The following SPOCK3 variants were observed in gnomAD, a reference collection of about 807,000 sequenced individuals.
SPOCK3 encodes SPARC (osteonectin), cwcv and kazal like domains proteoglycan 3.
In SPOCK3, 30 loss-of-function variants were observed where a neutral mutation model predicts 56.6. The ratio of observed to expected loss-of-function variants is 0.53; its 90% CI spans 0.40 to 0.72. The LOEUF is 0.72. Ranked by LOEUF, SPOCK3 falls within the 30% of genes least tolerant of loss-of-function variation. The pLI is 0.00. For missense variants in SPOCK3, 527 were observed against 530.0 expected (o/e 0.99, Z 0.06); for synonymous variants, 196 against 183.3 (o/e 1.07, Z -0.56).
chr4:167,059,926 C>G (rs934328942), intron 3 of SPOCK3, among the ~76,000 whole-genome samples: 1 of 151,750 alleles, frequency 6.6e-6, no homozygotes, highest in Non-Finnish European at 1.5e-5. Flanking sequence ...ACCGCATATT[C>G]TCACTCATAG....
chr4:167,133,550 C>T (rs1762866676), intron 2 of SPOCK3, among the ~76,000 whole-genome samples: 1 of 152,198 alleles, frequency 6.6e-6, no homozygotes, highest in Non-Finnish European at 1.5e-5. Flanking sequence ...TCTTACAGAA[C>T]AGAGCCTGAT....
chr4:167,166,660 A>AAGGTAAAT (rs1253823256), intron 2 of SPOCK3, among the ~76,000 whole-genome samples: 4 of 152,040 alleles, frequency 2.6e-5, no homozygotes, highest in African/African-American at 7.2e-5. Context: ...ATGACAATGG[A>AAGGTAAAT]AGGTAAATGG....
At chr4:166,775,731 G>C (rs1449715806) in intron 7 of SPOCK3, among the ~76,000 whole-genome samples, 1 of 152,156 alleles carries the variant, frequency 6.6e-6, no homozygotes, top group Non-Finnish European at 1.5e-5. Context: ...AGTGAAAAAG[G>C]TCTATTCACT....
intron 7 of SPOCK3, among the ~76,000 whole-genome samples, chr4:166,755,451 C>T (rs140087868): frequency 3.5e-4 from 53 of 152,218 alleles, no homozygotes; most frequent in Middle Eastern, 3.4e-3. Context: ...GCAGACCTCA[C>T]GAACCTCAGT....
At chr4:167,140,137 T>C (rs1763415738) in intron 2 of SPOCK3, among the ~76,000 whole-genome samples, 1 of 152,084 alleles carries the variant, frequency 6.6e-6, no homozygotes, top group Non-Finnish European at 1.5e-5. Context: ...GGAGCCATCT[T>C]ACCTTTGATT....
At chr4:166,922,538 C>T (rs1048635281) in intron 4 of SPOCK3, among the ~76,000 whole-genome samples, 2 of 152,146 alleles carry the variant, frequency 1.3e-5, no homozygotes, top group African/African-American at 2.4e-5. Context: ...TATACTCACA[C>T]TCCCCTAATT....
intron 2 of SPOCK3, among the ~76,000 whole-genome samples, chr4:167,096,738 C>T (rs768249153): frequency 3.3e-5 from 5 of 151,526 alleles, no homozygotes; most frequent in Non-Finnish European, 7.4e-5. Flanking sequence ...TTTGCTGTTC[C>T]TTGATGTAGT....
chr4:167,136,490 AT>A (rs1763132428), intron 2 of SPOCK3, among the ~76,000 whole-genome samples: 1 of 152,132 alleles, frequency 6.6e-6, no homozygotes, highest in East Asian at 1.9e-4. Context: ...CATATCAAAG[AT>A]TCTATATATT....
chr4:167,189,369 A>G (rs1732278129), intron 2 of SPOCK3, among the ~76,000 whole-genome samples: 1 of 145,958 alleles, frequency 6.9e-6, no homozygotes, highest in Non-Finnish European at 1.5e-5. Flanking sequence ...AATTAATAAT[A>G]TACTTACCAT....
At chr4:166,820,248 G>A in intron 6 of SPOCK3, among the ~76,000 whole-genome samples, 3 of 152,108 alleles carry the variant, frequency 2.0e-5, no homozygotes, top group Admixed American at 2.0e-4. Context: ...CAATGTATAT[G>A]TTAGTATGTT....
At chr4:166,915,393 T>G (rs1001073521) in intron 4 of SPOCK3, among the ~76,000 whole-genome samples, 4 of 152,196 alleles carry the variant, frequency 2.6e-5, no homozygotes, top group Non-Finnish European at 5.9e-5. Context: ...TCAGAATTAG[T>G]GTTCTTCTTA....
At chr4:167,060,705 C>G (rs573275856) in intron 3 of SPOCK3, among the ~76,000 whole-genome samples, 2 of 152,028 alleles carry the variant, frequency 1.3e-5, no homozygotes, top group Middle Eastern at 3.2e-3. Flanking sequence ...AAAATATCAT[C>G]GGGATGCCAT....
At chr4:167,009,208 G>A (rs1749776522) in intron 3 of SPOCK3, among the ~76,000 whole-genome samples, 1 of 151,534 alleles carries the variant, frequency 6.6e-6, no homozygotes, top group Admixed American at 6.6e-5. Flanking sequence ...CTAAACCATA[G>A]GCTAGGATCT....
rs78316274 is a variant in SPOCK3, at chr4:167,192,307, A to G, written c.189+41678T>C. On this transcript the variant is annotated intron_variant, in intron 2 of 10. Coordinates refer to ENST00000357545, the MANE Select transcript of SPOCK3 (RefSeq NM_001040159.2). ...ATAATATTCCAACCCGATAATATGAATTTGGAAGTGTTCTCTCCAAACTTT... is the reference window on the plus strand; with the variant it reads ...ATAATATTCCAACCCGATAATATGAGTTTGGAAGTGTTCTCTCCAAACTTT... 1.0e-3 allele frequency among the ~76,000 whole-genome samples: 146 copies of G among 145,848 alleles called. 22 individuals carry two copies. Among genetic ancestry groups the G allele is most frequent in the African/African-American group, 3.6e-3 (139 of 38,384 alleles).
At chr4:167,033,466 A>G (rs1027438453) in intron 3 of SPOCK3, among the ~76,000 whole-genome samples, 2 of 151,324 alleles carry the variant, frequency 1.3e-5, no homozygotes, top group Non-Finnish European at 3.0e-5. Context: ...GGCTTCATTG[A>G]TCTTGTTTAC....
chr4:166,750,512 A>G (rs1736235431), intron 8 of SPOCK3, among the ~76,000 whole-genome samples: 1 of 150,898 alleles, frequency 6.6e-6, no homozygotes, highest in African/African-American at 2.5e-5. Context: ...ATAAAATTTA[A>G]TCAGAATTTT....
intron 3 of SPOCK3, among the ~76,000 whole-genome samples, chr4:167,024,937 T>C (rs1463778775): frequency 1.3e-5 from 2 of 152,074 alleles, no homozygotes; most frequent in Non-Finnish European, 2.9e-5. Flanking sequence ...TCTTAAGTGC[T>C]TGAAACTGTG....
intron 4 of SPOCK3, among the ~76,000 whole-genome samples, chr4:166,979,412 A>C (rs1363847317): frequency 3.3e-5 from 5 of 152,220 alleles, no homozygotes; most frequent in African/African-American, 1.2e-4. Context: ...CTTGATTTTT[A>C]ATGAGACATT....
intron 6 of SPOCK3, among the ~76,000 whole-genome samples, chr4:166,829,307 A>C (rs1745798881): frequency 6.6e-6 from 1 of 152,126 alleles, no homozygotes; most frequent in Non-Finnish European, 1.5e-5. Context: ...AAAGAATGAC[A>C]GCATTCATAA....
Sources: allele counts gnomAD v4.1 joint callset (sites outside exome capture counted in the v4.1 genomes callset), GRCh38; gene constraint gnomAD v4.1.1; transcripts MANE v1.5; gene names NCBI Gene and HGNC (gene_info 2026-07-23, HGNC 2026-07-21).